The following PSTK variants were observed in gnomAD, a reference collection of about 807,000 sequenced individuals.
PSTK encodes L-seryl-tRNA(Sec) kinase.
Under a neutral mutation model 38.6 loss-of-function variants are expected in PSTK, and 26 were observed. The observed-to-expected ratio is 0.67, with a 90% CI of 0.49 to 0.94. The LOEUF (loss-of-function observed/expected upper bound fraction) is 0.94, where lower values mean the gene tolerates loss of function less well. Ranked by LOEUF, PSTK falls within the 40% of genes least tolerant of loss-of-function variation. The probability of loss-of-function intolerance (pLI) is 0.00; values close to 1 mark genes in which losing one functional copy is unlikely to be tolerated. For missense variants in PSTK, 445 were observed against 436.3 expected, an observed-to-expected ratio of 1.02 and a Z score of -0.18; for synonymous variants, 181 against 161.7, an observed-to-expected ratio of 1.12 and a Z score of -0.91.
Position 122,982,821 on chromosome 10 carries a change from T to C in PSTK, c.305T>C (p.Val102Ala). The change falls in exon 2 of 6, where the codon GTC becomes GCC. Residue 102 changes from valine to alanine, a missense_variant. Val to Ala is a moderately conservative substitution (Grantham distance 64, BLOSUM62 0). Coordinates refer to ENST00000406217, the MANE Select transcript of PSTK (RefSeq NM_001363531.2). ...MAVINGCQMS[V>A]PPNRTEAMWE... The stretch of plus-strand genomic sequence containing the variant: ...GTCATTAATGGGTGTCAGATGTCTG[T>C]CCCACCCAACAGGACTGAAGCCATG... 6.2e-7 allele frequency: 1 copy of C among 1,614,152 alleles called. No individual in the cohort carries two copies.
At position 122,986,907 on chromosome 10, in the gene PSTK, T is replaced by A. The variant is rs747516313; in HGVS notation, c.822T>A (p.His274Gln). The A allele has an allele frequency of 6.8e-6, 11 of 1,612,530 alleles. No individual in the cohort carries two copies. Among genetic ancestry groups the A allele is most frequent in the Non-Finnish European group, 9.3e-6 (11 of 1,178,670 alleles). Reference protein sequence around the residue: ...DRIICSTNILHKTDQTLRRIV... With the variant: ...DRIICSTNILQKTDQTLRRIV... ...TTATTTGTTCAACTAACATTCTTCATAAAACTGATCAGACACTCCGAAGGA... is the reference window on the plus strand; with the variant it reads ...TTATTTGTTCAACTAACATTCTTCAAAAAACTGATCAGACACTCCGAAGGA... Residue 274 changes from histidine to glutamine, a missense_variant, in exon 5 of 6, where the codon CAT becomes CAA. Coordinates refer to ENST00000406217, the MANE Select transcript of PSTK (RefSeq NM_001363531.2).
At chr10:122,990,037 A>G (rs761461088) in intron 5 of PSTK, 137 bp from the exon 6 acceptor site, 32 of 551,488 alleles carry the variant, frequency 5.8e-5, no homozygotes, top group Admixed American at 1.7e-4. Flanking sequence ...CCTTTTTTCT[A>G]TATATTACAC....
chr10:122,988,286 C>A (rs1175623483), intron 5 of PSTK, among the ~76,000 whole-genome samples: 1 of 152,028 alleles, frequency 6.6e-6, no homozygotes, highest in African/African-American at 2.4e-5. Context: ...TCTTTTCTGT[C>A]TATAAAATGA....
At chr10:122,986,169 A>G in intron 3 of PSTK, 131 bp from the exon 4 acceptor site, 4 of 491,812 alleles carry the variant, frequency 8.1e-6, no homozygotes, top group Non-Finnish European at 1.4e-5. Context: ...TGCAGTGAGC[A>G]GAGATCACGC....
chr10:122,981,004 T>A (rs190437553), intron 1 of PSTK, among the ~76,000 whole-genome samples: 9 of 152,350 alleles, frequency 5.9e-5, no homozygotes, highest in African/African-American at 2.2e-4. Context: ...GGTCAGGTTC[T>A]CAAGTCAGCG....
chr10:122,980,615 C>G lies in PSTK; in HGVS notation c.136C>G (p.Gln46Glu), dbSNP rs768095006. ...RALAHRLQQE[Q>E]GWAIGVVAYD... ...CCTCGCCCACCGGCTGCAGCAGGAG[C>G]AGGGTTGGGCCATCGGTGTTGTCGC... Residue 46 changes from glutamine to glutamate, a missense_variant, in exon 1 of 6, where the codon CAG (glutamine) becomes GAG (glutamate). Transcript: ENST00000406217. The surrounding 1 kb of genome is among the most constrained non-coding windows in gnomAD (Gnocchi z 4.3). 3 of 1,612,102 alleles carry G rather than the reference C, an allele frequency of 1.9e-6. No individual in the cohort carries two copies. In the South Asian group the frequency reaches 3.3e-5, roughly 18 times the overall value.
chr10:122,980,843 C>G lies in PSTK; in HGVS notation c.216+148C>G, dbSNP rs1275036383. On this transcript the variant is annotated intron_variant, in intron 1 of 5. Coordinates refer to ENST00000406217, the MANE Select transcript of PSTK (RefSeq NM_001363531.2). This position sits in a 1 kb window ranked among gnomAD's most constrained non-coding sequence, Gnocchi z 4.3. ...GAGGTGAAGTTCGAGAAAAGTGGAG[C>G]TGGGTTAACATAGTTACTGCAGAGG... 7.7e-7 allele frequency: 1 copy of G among 1,290,832 alleles called. No individual in the cohort carries two copies. The highest frequency in any genetic ancestry group is 9.8e-7 in the Non-Finnish European group (1 of 1,024,748). 80.0% of individuals were successfully genotyped at this position (1,290,832 alleles called of 1,614,324 possible).
chr10:122,986,733 C>T, intron 4 of PSTK, 136 bp from the exon 5 acceptor site: 2 of 628,108 alleles, frequency 3.2e-6, no homozygotes, highest in Non-Finnish European at 5.5e-6. Flanking sequence ...GTTGGACTCT[C>T]TTGTAGGGAA....
intron 3 of PSTK, 34 bp from the exon 4 acceptor site, chr10:122,986,266 G>T: frequency 2.3e-6 from 3 of 1,279,922 alleles, no homozygotes; most frequent in South Asian, 1.4e-5. Context: ...TTGGATATAA[G>T]GATCTATTGT....
chr10:122,990,173 G>T lies in PSTK; in HGVS notation c.878-1G>T. 6.6e-7 allele frequency: 1 copy of T among 1,509,238 alleles called. No individual in the cohort carries two copies. Among genetic ancestry groups the T allele is most frequent in the Non-Finnish European group, 8.8e-7 (1 of 1,133,082 alleles). The allele number at this position is 1,509,238 out of a possible 1,614,324, so 93.5% of individuals were successfully genotyped here. ...AATTTGAGAATATCTTTTTATTTTAGATGAACAAGTGCTTCCTCACAACTT... is the reference window on the plus strand; with the variant it reads ...AATTTGAGAATATCTTTTTATTTTATATGAACAAGTGCTTCCTCACAACTT... On this transcript the variant is annotated splice_acceptor_variant, in intron 5 of 5. Coordinates refer to ENST00000406217, the MANE Select transcript of PSTK (RefSeq NM_001363531.2). LOFTEE classifies it high-confidence loss of function.
intron 1 of PSTK, chr10:122,982,447 A>C: frequency 2.5e-6 from 1 of 394,858 alleles, no homozygotes; most frequent in Non-Finnish European, 4.6e-6. Context: ...GCACTGCTAG[A>C]GTGGAGATAT....
At position 122,986,358 on chromosome 10, in the gene PSTK, G is replaced by T; in HGVS notation, c.766G>T (p.Asp256Tyr). ...ALENPVKYAE[D>Y]NMEQKDTDRI... Reference sequence around the variant, plus strand: ...GGAAAATCCAGTAAAATATGCTGAGGACAATATGGAACAAAAGGTAAACTT... The same window carrying T: ...GGAAAATCCAGTAAAATATGCTGAGTACAATATGGAACAAAAGGTAAACTT... The change falls in exon 4 of 6, where the codon GAC becomes TAC. Residue 256 changes from aspartate to tyrosine, a missense_variant. By Grantham distance (160) the Asp-to-Tyr change is radical. Coordinates refer to ENST00000406217, the MANE Select transcript of PSTK (RefSeq NM_001363531.2). 1 of 1,609,680 alleles carries T rather than the reference G, an allele frequency of 6.2e-7. No homozygotes were observed. Among genetic ancestry groups the T allele is most frequent in the Non-Finnish European group, 8.5e-7 (1 of 1,175,988 alleles).
intron 4 of PSTK, among the ~76,000 whole-genome samples, chr10:122,986,619 A>G (rs945009124): frequency 6.6e-5 from 10 of 152,230 alleles, no homozygotes; most frequent in African/African-American, 2.4e-4. Context: ...ATTGGCAAAC[A>G]CTACAGATAG....
intron 5 of PSTK, 54 bp downstream of exon 5, chr10:122,987,016 A>G (rs1480463676): frequency 8.8e-7 from 1 of 1,142,586 alleles, no homozygotes; most frequent in Non-Finnish European, 1.3e-6. Flanking sequence ...TTCTACTGCT[A>G]CTGTTATTCC....
Position 122,980,510 on chromosome 10 carries a change from G to A in PSTK, c.31G>A (p.Gly11Ser). 1 of 1,607,798 alleles carries A rather than the reference G, an allele frequency of 6.2e-7. No homozygotes were observed. Among genetic ancestry groups the A allele is most frequent in the Non-Finnish European group, 8.5e-7 (1 of 1,179,058 alleles). MKTAENIRGT[G>S]SDGPRKRGLC... ...GACCGCCGAGAACATCAGAGGAACC[G>A]GCAGCGACGGGCCGCGGAAACGAGG... Residue 11 changes from glycine (G) to serine (S), a missense_variant, in exon 1 of 6, where the codon GGC (glycine) becomes AGC (serine). Coordinates refer to ENST00000406217, the MANE Select transcript of PSTK (RefSeq NM_001363531.2). This position sits in a 1 kb window ranked among gnomAD's most constrained non-coding sequence, Gnocchi z 4.3.
intron 4 of PSTK, among the ~76,000 whole-genome samples, chr10:122,986,637 G>T (rs1037584284): frequency 3.9e-5 from 6 of 152,140 alleles, no homozygotes; most frequent in Non-Finnish European, 8.8e-5. Context: ...TAGGTCTGGG[G>T]TTTTTTTCTG....
At chr10:122,986,467 G>A (rs2133359107) in intron 4 of PSTK, 92 bp downstream of exon 4, 1 of 918,270 alleles carries the variant, frequency 1.1e-6, no homozygotes, top group Non-Finnish European at 1.8e-6. Flanking sequence ...GAGTGAAACG[G>A]GAGATGCGTT....
intron 4 of PSTK, 72 bp downstream of exon 4, chr10:122,986,447 T>C: frequency 9.0e-7 from 1 of 1,108,054 alleles, no homozygotes; most frequent in Non-Finnish European, 1.4e-6. Context: ...TTGAGCCGAA[T>C]ATAAAATGTG....
Position 122,980,797 on chromosome 10 carries a change from A to C in PSTK, c.216+102A>C. The C allele has an allele frequency of 7.8e-7, 1 of 1,287,394 alleles. No homozygotes were observed. Among genetic ancestry groups the C allele is most frequent in the Non-Finnish European group, 9.8e-7 (1 of 1,023,278 alleles). The allele number at this position is 1,287,394 out of a possible 1,614,324, so 79.7% of individuals were successfully genotyped here. ...ACGCGGTCCTGGGTGATTTGCCATG[A>C]GCGCCCATTGCTTGGTGTGGGAGGT... On this transcript the variant is annotated intron_variant, in intron 1 of 5. Coordinates refer to ENST00000406217, the MANE Select transcript of PSTK (RefSeq NM_001363531.2). The surrounding 1 kb of genome is among the most constrained non-coding windows in gnomAD (Gnocchi z 4.3).
Sources: gnomAD v4.1 joint callset for allele counts (sites outside exome capture counted in the v4.1 genomes callset) on GRCh38, gnomAD v4.1.1 for gene constraint, Gnocchi (gnomAD v3.1) non-coding constraint, MANE v1.5 for transcripts, NCBI Gene and HGNC (gene_info 2026-07-23, HGNC 2026-07-21) for gene names.